Variants in RTN4RL1 observed in about 807,000 individuals in gnomAD.
RTN4RL1 encodes the protein reticulon 4 receptor like 1.
RTN4RL1 carries 7 observed loss-of-function variants against 25.6 expected under a neutral mutation model. The observed-to-expected ratio is 0.27, with a 90% CI of 0.16 to 0.51. The LOEUF is 0.51. RTN4RL1 is among the 20% of genes least tolerant of loss of function. The pLI, the probability that RTN4RL1 is intolerant of heterozygous loss-of-function variation, is 0.97. For missense variants in RTN4RL1, 500 were observed against 615.6 expected (o/e 0.81, Z 1.99); for synonymous variants, 297 against 288.2 (o/e 1.03, Z -0.31).
At chr17:1,938,772 C>T (rs775351598) in intron 1 of RTN4RL1, among the ~76,000 whole-genome samples, 7 of 148,906 alleles carry the variant, frequency 4.7e-5, no homozygotes, top group East Asian at 2.2e-4. Context: ...CAGACATGGC[C>T]GGGCGCGGTG....
rs67810169 is a variant in RTN4RL1 at position 2,007,148 on chromosome 17, A to T, written c.13+17705T>A. ...GCCGCAGTTGAAAGTCTACAAATAC[A>T]TCAAAATCACACAAATCCCCTGGCC... On this transcript the variant is annotated intron_variant, in intron 1 of 1. Transcript: ENST00000331238. Among the ~76,000 whole-genome samples the T allele has an allele frequency of 9.7e-3, 1,478 of 151,776 alleles. 25 individuals are homozygous for T. The highest frequency in any genetic ancestry group is 0.034 in the African/African-American group (1,424 of 41,348).
intron 1 of RTN4RL1, among the ~76,000 whole-genome samples, chr17:1,983,397 G>A (rs886634655): frequency 6.6e-6 from 1 of 152,242 alleles, no homozygotes; most frequent in East Asian, 1.9e-4. Flanking sequence ...ACCAGCGGGG[G>A]CCAATTGACA....
intron 1 of RTN4RL1, among the ~76,000 whole-genome samples, chr17:1,997,903 C>T (rs968911498): frequency 6.6e-6 from 1 of 152,242 alleles, no homozygotes; most frequent in African/African-American, 2.4e-5. Context: ...AAGGGCAGGC[C>T]GGCAGGGGCC....
intron 1 of RTN4RL1, among the ~76,000 whole-genome samples, chr17:1,958,932 T>C (rs978664826): frequency 6.6e-6 from 1 of 152,296 alleles, no homozygotes; most frequent in Non-Finnish European, 1.5e-5. Context: ...ACTTACCACC[T>C]GCTCAAAATC....
chr17:1,953,568 A>AC (rs1915727435), intron 1 of RTN4RL1, among the ~76,000 whole-genome samples: 1 of 151,858 alleles, frequency 6.6e-6, no homozygotes, highest in Non-Finnish European at 1.5e-5. Context: ...TTGAATTAAA[A>AC]AAAAAATTTT....
At chr17:2,017,363 G>A (rs1032563887) in intron 1 of RTN4RL1, among the ~76,000 whole-genome samples, 15 of 152,334 alleles carry the variant, frequency 9.8e-5, no homozygotes, top group African/African-American at 3.6e-4. Context: ...ATCGCTGGGG[G>A]CTGCAGTGGT....
chr17:1,941,778 C>T lies in RTN4RL1; in HGVS notation c.14-3970G>A, dbSNP rs142005506. On this transcript the variant is annotated intron_variant, in intron 1 of 1. Coordinates refer to ENST00000331238, the MANE Select transcript of RTN4RL1 (RefSeq NM_178568.4). ...CTGGAAGTTGGTCCCATCTCCAAGA[C>T]CTGGACCAGCTGTCCCAGCTGGCCC... Among the ~76,000 whole-genome samples the T allele has an allele frequency of 2.0e-3, 301 of 152,282 alleles. 1 individual carries two copies. Among genetic ancestry groups the T allele is most frequent in the Non-Finnish European group, 3.1e-3 (211 of 67,978 alleles).
chr17:1,973,381 A>G (rs2066828887), intron 1 of RTN4RL1, among the ~76,000 whole-genome samples: 1 of 150,612 alleles, frequency 6.6e-6, no homozygotes, highest in African/African-American at 2.4e-5. Context: ...AAAAAAAAAA[A>G]AAAGTCTGGG....
chr17:2,006,497 GGCTGGGGT>G (rs71150846), intron 1 of RTN4RL1, among the ~76,000 whole-genome samples: 10,272 of 152,066 alleles, frequency 0.068, 414 homozygotes, highest in Admixed American at 0.12. Context: ...CAGTCACCCA[GGCTGGGGT>G]GCAGTGGTGC....
intron 1 of RTN4RL1, among the ~76,000 whole-genome samples, chr17:1,999,307 G>A (rs1350908292): frequency 1.3e-5 from 2 of 152,054 alleles, no homozygotes; most frequent in Admixed American, 1.3e-4. Flanking sequence ...TTAGCCGGGC[G>A]TGGTGGCGCG....
At chr17:1,956,238 G>A (rs1915790261) in intron 1 of RTN4RL1, among the ~76,000 whole-genome samples, 1 of 152,164 alleles carries the variant, frequency 6.6e-6, no homozygotes, top group African/African-American at 2.4e-5. Context: ...CAGGCGAATA[G>A]GTAAACAGGC....
chr17:2,019,551 C>A, intron 1 of RTN4RL1: 1 of 152,424 alleles, frequency 6.6e-6, no homozygotes. Context: ...CACCACTGGC[C>A]AGGGGCAAAC....
At chr17:1,982,334 C>T (rs1029671162) in intron 1 of RTN4RL1, among the ~76,000 whole-genome samples, 6 of 150,440 alleles carry the variant, frequency 4.0e-5, no homozygotes, top group African/African-American at 1.2e-4. Flanking sequence ...AAGAGGAAGC[C>T]GGGCGAGGTG....
intron 1 of RTN4RL1, among the ~76,000 whole-genome samples, chr17:1,953,546 G>A (rs1398657851): frequency 6.8e-6 from 1 of 146,646 alleles, no homozygotes; most frequent in Non-Finnish European, 1.5e-5. Context: ...AGAACTCAAA[G>A]TATAAAAAAA....
intron 1 of RTN4RL1, among the ~76,000 whole-genome samples, chr17:1,982,647 A>C (rs945430719): frequency 7.1e-6 from 1 of 141,180 alleles, no homozygotes; most frequent in African/African-American, 2.7e-5. Context: ...AGAAAAGAAA[A>C]GAAACTCTGG....
chr17:1,966,402 A>T (rs979127152), intron 1 of RTN4RL1, among the ~76,000 whole-genome samples: 2 of 152,152 alleles, frequency 1.3e-5, no homozygotes, highest in African/African-American at 4.8e-5. Context: ...CAGGCAGAAG[A>T]TGCTTCAGAT....
Position 1,936,765 on chromosome 17 carries a change from C to T in RTN4RL1, c.1057G>A (p.Gly353Arg), listed in dbSNP as rs757043706. The change falls in exon 2 of 2, where the codon GGG (glycine) becomes AGG (arginine). Residue 353 changes from glycine (G) to arginine (R), a missense_variant. Around this residue, in one of 2 missense-constraint regions of RTN4RL1, gnomAD observed 268 missense variants for 274.5 expected, o/e 0.98. Coordinates refer to ENST00000331238, the MANE Select transcript of RTN4RL1 (RefSeq NM_178568.4). ...TTCCTGGGGTTGGTGCAGTTCTTCCCCGGCTTCCTGTGGCCGGGCCGGGGG... is the reference window on the plus strand; with the variant it reads ...TTCCTGGGGTTGGTGCAGTTCTTCCTCGGCTTCCTGTGGCCGGGCCGGGGG... ...HGPRPGHRKP[G>R]KNCTNPRNRN... 17 of 1,595,002 alleles carry T rather than the reference C, an allele frequency of 1.1e-5. No homozygotes were observed. The highest frequency in any genetic ancestry group is 1.7e-4 in the Middle Eastern group (1 of 5,966).
intron 1 of RTN4RL1, among the ~76,000 whole-genome samples, chr17:1,948,844 G>A (rs1388418441): frequency 6.6e-6 from 1 of 152,058 alleles, no homozygotes; most frequent in East Asian, 1.9e-4. Flanking sequence ...CCAGGCTGGA[G>A]TGCAGTGGTG....
At chr17:1,990,297 G>A (rs1366101086) in intron 1 of RTN4RL1, among the ~76,000 whole-genome samples, 2 of 152,040 alleles carry the variant, frequency 1.3e-5, no homozygotes, top group Non-Finnish European at 2.9e-5. Flanking sequence ...AATCTGGGAG[G>A]TGGAGGTTGC....
Sources: allele counts gnomAD v4.1 joint callset (sites outside exome capture counted in the v4.1 genomes callset), GRCh38; gene constraint gnomAD v4.1.1; regional missense constraint gnomAD v4.1.1; transcripts MANE v1.5; gene names NCBI Gene and HGNC (gene_info 2026-07-23, HGNC 2026-07-21).